SCFD2: variants seen among roughly 807,000 people sequenced by gnomAD.
SCFD2 encodes sec1 family domain containing 2.
Under a neutral mutation model 58.9 loss-of-function variants are expected in SCFD2, and 54 were observed. The ratio of observed to expected loss-of-function variants is 0.92; its 90% CI spans 0.74 to 1.15. The LOEUF is 1.15. Among genes scored for constraint, SCFD2 ranks in the 50% most tolerant of loss-of-function variants. The pLI, the probability that SCFD2 is intolerant of heterozygous loss-of-function variation, is 0.00. For synonymous variants in SCFD2, 321 were observed against 335.9 expected (o/e 0.96, Z 0.49); for missense variants, 805 against 836.6 (o/e 0.96, Z 0.47).
intron 5 of SCFD2, among the ~76,000 whole-genome samples, chr4:53,067,415 C>G (rs1394278702): frequency 6.6e-6 from 1 of 151,908 alleles, no homozygotes; most frequent in African/African-American, 2.4e-5. Flanking sequence ...ACTGTGGCAG[C>G]CTTTCAGAAT....
intron 5 of SCFD2, among the ~76,000 whole-genome samples, chr4:53,131,109 A>C (rs1725774720): frequency 6.6e-6 from 1 of 152,248 alleles, no homozygotes; most frequent in Admixed American, 6.5e-5. Context: ...TTCAGCAGAA[A>C]AAAAGGAAAA....
In SCFD2 at chr4:52,920,921, A is replaced by C. The variant is rs1437696104; in HGVS notation, c.1562-51T>G. The C allele has an allele frequency of 2.4e-6, 3 of 1,264,400 alleles. No individual in the cohort carries two copies. The African/African-American group carries it at 4.6e-5, about 19-fold the overall frequency. The allele number at this position is 1,264,400 out of a possible 1,614,324, so 78.3% of individuals were successfully genotyped here. A position where few individuals can be genotyped will look rare whatever the true frequency, so the allele number is the denominator to read the frequency against. ...TGAGTGAGTAAATCTTTAAGTTTTC[A>C]TCATGACAGCTTGAGCTCGATGTAA... On this transcript the variant is annotated intron_variant, in intron 5 of 8. Transcript: ENST00000401642.
chr4:53,219,893 G>T (rs1465242801), intron 4 of SCFD2, among the ~76,000 whole-genome samples: 1 of 152,044 alleles, frequency 6.6e-6, no homozygotes, highest in Non-Finnish European at 1.5e-5. Flanking sequence ...TGACTGCCAA[G>T]GTCTACAAGG....
rs141143179 is a variant in SCFD2, at chr4:53,236,808, TTTTATTTATTTATTTA to T, written c.1311+37002_1311+37017del. On this transcript the variant is annotated intron_variant, in intron 4 of 8. Transcript: ENST00000401642. The stretch of plus-strand genomic sequence containing the variant: ...GATTTCTAACTACTTAAAGTCACTG[TTTTATTTATTTATTTA>T]TTTATTTATTTATTTATTTATTTAT... 1.2e-3 allele frequency among the ~76,000 whole-genome samples: 168 copies of T among 138,324 alleles called. 1 individual carries two copies. The highest frequency in any genetic ancestry group is 3.0e-3 in the African/African-American group (110 of 37,216). 90.7% of individuals were successfully genotyped at this position (138,324 alleles called of 152,430 possible).
chr4:53,335,236 A>C (rs949356920), intron 2 of SCFD2, among the ~76,000 whole-genome samples: 26 of 151,606 alleles, frequency 1.7e-4, no homozygotes, highest in Non-Finnish European at 3.2e-4. Context: ...AAACAACAAC[A>C]ACAACCCCAG....
rs554799112 is a variant in SCFD2, at chr4:53,073,843, G to A, written c.1561+71490C>T. Among the ~76,000 whole-genome samples the A allele has an allele frequency of 1.5e-4, 23 of 152,022 alleles. No homozygotes were observed. In the South Asian group the frequency reaches 1.9e-3, roughly 12 times the overall value. On this transcript the variant is annotated intron_variant, in intron 5 of 8. Coordinates refer to ENST00000401642, the MANE Select transcript of SCFD2 (RefSeq NM_152540.4). ...CATACCTTAATTAAAAATATTTATC[G>A]CTAAAAATGCTAATGATTATCTGAG...
At position 53,145,433 on chromosome 4, in the gene SCFD2, T is replaced by C. The variant is rs1363528535; in HGVS notation, c.1461A>G (p.Val487=). The C allele has an allele frequency of 1.2e-6, 2 of 1,614,174 alleles. No individual in the cohort carries two copies. The highest frequency in any genetic ancestry group is 1.7e-6 in the Non-Finnish European group (2 of 1,180,000). The change falls in exon 5 of 9, where the codon GTA becomes GTG. Residue 487 remains valine, a synonymous_variant. Coordinates refer to ENST00000401642, the MANE Select transcript of SCFD2 (RefSeq NM_152540.4). ...YIYSVTGELT[V]DKDLCEAEEK... ...CTTCTGCTTCACACAGGTCTTTGTC[T>C]ACCGTGAGCTCTCCAGTGACAGAAT... is the stretch of plus-strand genomic sequence containing the variant.
chr4:53,143,761 T>A (rs1560355292), intron 5 of SCFD2, among the ~76,000 whole-genome samples: 1 of 150,198 alleles, frequency 6.7e-6, no homozygotes. Context: ...CAGCTGCAAC[T>A]TCCTGAATGA....
Position 53,091,024 on chromosome 4 carries a change from T to C in SCFD2, c.1561+54309A>G, listed in dbSNP as rs1724453561. Among the ~76,000 whole-genome samples the C allele has an allele frequency of 2.0e-5, 3 of 152,178 alleles. No homozygotes were observed. In the South Asian group the frequency reaches 6.2e-4, roughly 31 times the overall value. ...GATTCATCACATGACTCTAAGATCATACTTCTATATTAATAACTGCTATGC... is the reference window on the plus strand; with the variant it reads ...GATTCATCACATGACTCTAAGATCACACTTCTATATTAATAACTGCTATGC... On this transcript the variant is annotated intron_variant, in intron 5 of 8. Coordinates refer to ENST00000401642, the MANE Select transcript of SCFD2 (RefSeq NM_152540.4).
At chr4:53,022,708 T>C (rs1004990149) in intron 5 of SCFD2, among the ~76,000 whole-genome samples, 3 of 152,118 alleles carry the variant, frequency 2.0e-5, no homozygotes, top group Non-Finnish European at 4.4e-5. Flanking sequence ...AATTTAGAGA[T>C]CAAAATAGAA....
chr4:53,095,792 A>G (rs1724606511), intron 5 of SCFD2, among the ~76,000 whole-genome samples: 1 of 152,012 alleles, frequency 6.6e-6, no homozygotes, highest in South Asian at 2.1e-4. Flanking sequence ...ACATATGTAT[A>G]CATGTGCCAC....
intron 5 of SCFD2, among the ~76,000 whole-genome samples, chr4:52,933,914 A>C (rs1186214733): frequency 6.6e-6 from 1 of 152,108 alleles, no homozygotes; most frequent in South Asian, 2.1e-4. Context: ...AGCAAGTCTG[A>C]AGCTAAGTGT....
At chr4:52,994,856 G>A (rs140801223) in intron 5 of SCFD2, among the ~76,000 whole-genome samples, 26 of 151,718 alleles carry the variant, frequency 1.7e-4, no homozygotes, top group East Asian at 7.7e-4. Flanking sequence ...CATCATCATC[G>A]TCATAAAAAA....
intron 3 of SCFD2, among the ~76,000 whole-genome samples, chr4:53,303,464 G>A (rs1432156599): frequency 2.6e-5 from 4 of 152,196 alleles, no homozygotes; most frequent in Non-Finnish European, 5.9e-5. Context: ...ACGTGCTGGA[G>A]AGGATGTGGA....
intron 5 of SCFD2, among the ~76,000 whole-genome samples, chr4:53,035,853 T>C (rs548686786): frequency 3.2e-4 from 48 of 152,082 alleles, no homozygotes; most frequent in African/African-American, 1.2e-3. Flanking sequence ...TGTGGAGAAA[T>C]AGGAATGCTT....
chr4:53,354,268 G>A (rs900322305), intron 1 of SCFD2, among the ~76,000 whole-genome samples: 1 of 152,236 alleles, frequency 6.6e-6, no homozygotes, highest in Non-Finnish European at 1.5e-5. Context: ...ATTCAATCGT[G>A]GTGTGGGTGG....
intron 4 of SCFD2, among the ~76,000 whole-genome samples, chr4:53,261,947 G>A (rs1252614161): frequency 6.6e-6 from 1 of 151,992 alleles, no homozygotes; most frequent in African/African-American, 2.4e-5. Context: ...TTTTCCTTTT[G>A]TACTAGTCCT....
At chr4:53,249,879 G>T (rs1730288638) in intron 4 of SCFD2, among the ~76,000 whole-genome samples, 1 of 152,226 alleles carries the variant, frequency 6.6e-6, no homozygotes, top group African/African-American at 2.4e-5. Context: ...AGGCTAGGAA[G>T]AAACTGCATC....
chr4:53,103,300 A>G (rs995453088), intron 5 of SCFD2, among the ~76,000 whole-genome samples: 4 of 151,996 alleles, frequency 2.6e-5, no homozygotes, highest in African/African-American at 9.7e-5. Flanking sequence ...AGGGGTTGGG[A>G]GTCTGAACTG....
Sources: allele counts gnomAD v4.1 joint callset (sites outside exome capture counted in the v4.1 genomes callset), GRCh38; gene constraint gnomAD v4.1.1; transcripts MANE v1.5; gene names NCBI Gene and HGNC (gene_info 2026-07-23, HGNC 2026-07-21).